ZCCHC7: variants seen among roughly 807,000 people sequenced by gnomAD.
The protein encoded by ZCCHC7 is zinc finger CCHC domain-containing protein 7.
Under a neutral mutation model 52.0 loss-of-function variants are expected in ZCCHC7, and 35 were observed. The observed-to-expected ratio is 0.67, with a 90% confidence interval of 0.51 to 0.89. ZCCHC7 has a LOEUF of 0.89. ZCCHC7 is among the 40% of genes least tolerant of loss of function. The pLI is 0.00. For missense variants in ZCCHC7, 574 were observed against 649.1 expected (o/e 0.88, Z 1.26); for synonymous variants, 217 against 221.5 (o/e 0.98, Z 0.18).
intron 2 of ZCCHC7, among the ~76,000 whole-genome samples, chr9:37,153,287 C>T (rs1820632346): frequency 6.6e-6 from 1 of 152,074 alleles, no homozygotes; most frequent in Non-Finnish European, 1.5e-5. Flanking sequence ...TCTCCTGCCT[C>T]AGCCTCCCAA....
At chr9:37,135,361 AT>A (rs1010425352) in intron 2 of ZCCHC7, among the ~76,000 whole-genome samples, 2 of 152,002 alleles carry the variant, frequency 1.3e-5, no homozygotes, top group Non-Finnish European at 2.9e-5. Context: ...CCTGTTTGTA[AT>A]TTTTTTTATC....
chr9:37,327,604 G>A (rs878937495), intron 5 of ZCCHC7, 195 bp from the exon 6 acceptor site: 8 of 480,080 alleles, frequency 1.7e-5, no homozygotes, highest in Admixed American at 1.4e-4. Flanking sequence ...TGACAATGGC[G>A]GGGAGTGTGT....
chr9:37,130,688 G>C (rs1408982512), intron 2 of ZCCHC7, among the ~76,000 whole-genome samples: 2 of 151,308 alleles, frequency 1.3e-5, no homozygotes. Flanking sequence ...AGTAGAGACG[G>C]GGTTTCGCAG....
intron 6 of ZCCHC7, among the ~76,000 whole-genome samples, chr9:37,331,659 T>C (rs1357443565): frequency 6.6e-6 from 1 of 151,730 alleles, no homozygotes; most frequent in African/African-American, 2.4e-5. Flanking sequence ...TAATATGGAA[T>C]GTTTTTCCTT....
chr9:37,300,556 C>T lies in ZCCHC7; in HGVS notation c.611-1632C>T, dbSNP rs370154498. 2.6e-4 allele frequency among the ~76,000 whole-genome samples: 39 copies of T among 152,322 alleles called. No individual in the cohort carries two copies. In the East Asian group the frequency reaches 5.6e-3, roughly 22 times the overall value. On this transcript the variant is annotated intron_variant, in intron 2 of 8. Coordinates refer to ENST00000336755, the MANE Select transcript of ZCCHC7 (RefSeq NM_032226.3). ...CCTGTGGATTGGTCTTTTTGTAAAG[C>T]AGCCTCATGGTTTTCTTAGAAAAGT...
At chr9:37,221,832 A>G (rs949869455) in intron 2 of ZCCHC7, among the ~76,000 whole-genome samples, 2 of 152,194 alleles carry the variant, frequency 1.3e-5, no homozygotes, top group Admixed American at 6.5e-5. Context: ...AACTAAAGGT[A>G]TGGAAACTAG....
intron 2 of ZCCHC7, among the ~76,000 whole-genome samples, chr9:37,178,466 G>T (rs1260938305): frequency 7.1e-6 from 1 of 140,278 alleles, no homozygotes; most frequent in Non-Finnish European, 1.5e-5. Flanking sequence ...AGGAAGGAAA[G>T]AAGGTAAAAG....
intron 2 of ZCCHC7, among the ~76,000 whole-genome samples, chr9:37,209,591 T>C (rs987666177): frequency 2.6e-5 from 4 of 152,328 alleles, no homozygotes; most frequent in Admixed American, 6.5e-5. Context: ...TGTGTGTATA[T>C]ATGTATTTAA....
chr9:37,315,195 C>T (rs1041377404), intron 5 of ZCCHC7, among the ~76,000 whole-genome samples: 3 of 151,036 alleles, frequency 2.0e-5, no homozygotes, highest in African/African-American at 7.3e-5. Context: ...CATATATAAA[C>T]AATGATAAAT....
intron 2 of ZCCHC7, chr9:37,284,404 T>G (rs1320521549): frequency 1.3e-5 from 2 of 152,196 alleles, no homozygotes; most frequent in African/African-American, 4.8e-5. Flanking sequence ...AAAAAATACC[T>G]TTTTTGCATT....
intron 2 of ZCCHC7, among the ~76,000 whole-genome samples, chr9:37,206,193 C>G (rs901279436): frequency 6.6e-6 from 1 of 152,016 alleles, no homozygotes; most frequent in Non-Finnish European, 1.5e-5. Flanking sequence ...CCTTCCATCC[C>G]CACACAAGAG....
intron 1 of ZCCHC7, among the ~76,000 whole-genome samples, chr9:37,125,026 A>G (rs1453761648): frequency 6.6e-6 from 1 of 151,966 alleles, no homozygotes. Context: ...TGATTTCTTT[A>G]TTTTTAGCAG....
chr9:37,338,876 T>G (rs992429461), intron 6 of ZCCHC7, among the ~76,000 whole-genome samples: 9 of 152,110 alleles, frequency 5.9e-5, no homozygotes, highest in African/African-American at 2.2e-4. Flanking sequence ...TTCATAAGGA[T>G]TTTTTCTACG....
intron 6 of ZCCHC7, among the ~76,000 whole-genome samples, chr9:37,336,389 A>G: frequency 6.6e-6 from 1 of 152,290 alleles, no homozygotes; most frequent in African/African-American, 2.4e-5. Context: ...GTAAAAGCAA[A>G]AGAACATTAC....
At chr9:37,332,798 G>A (rs1588683794) in intron 6 of ZCCHC7, among the ~76,000 whole-genome samples, 1 of 151,526 alleles carries the variant, frequency 6.6e-6, no homozygotes, top group African/African-American at 2.4e-5. Flanking sequence ...TAAAGCTACT[G>A]TAAAGGAAAG....
At chr9:37,306,761 C>CTTTTTTTT in intron 5 of ZCCHC7, among the ~76,000 whole-genome samples, 1 of 85,838 alleles carries the variant, frequency 1.2e-5, no homozygotes, top group Non-Finnish European at 2.4e-5. Context: ...CTGTACCCGA[C>CTTTTTTTT]CTTTTTTTTT....
chr9:37,343,472 C>T (rs1046926959), intron 6 of ZCCHC7, among the ~76,000 whole-genome samples: 6 of 152,152 alleles, frequency 3.9e-5, no homozygotes, highest in Non-Finnish European at 7.4e-5. Flanking sequence ...CCGTATTCCT[C>T]GCAGTGTCTA....
chr9:37,297,694 C>T (rs995479747), intron 2 of ZCCHC7, among the ~76,000 whole-genome samples: 1 of 152,156 alleles, frequency 6.6e-6, no homozygotes, highest in African/African-American at 2.4e-5. Context: ...GTGTAGATAA[C>T]CAACTGGATA....
At chr9:37,176,725 A>G (rs1822054286) in intron 2 of ZCCHC7, among the ~76,000 whole-genome samples, 1 of 152,152 alleles carries the variant, frequency 6.6e-6, no homozygotes, top group Non-Finnish European at 1.5e-5. Flanking sequence ...TGCTTAATCT[A>G]CCGGTGTCTA....
Sources: allele counts gnomAD v4.1 joint callset (sites outside exome capture counted in the v4.1 genomes callset), GRCh38; gene constraint gnomAD v4.1.1; transcripts MANE v1.5; gene names NCBI Gene and HGNC (gene_info 2026-07-23, HGNC 2026-07-21).